The following MAF variants were observed in gnomAD, a reference collection of about 807,000 sequenced individuals.
MAF encodes the protein transcription factor Maf.
Under a neutral mutation model 22.0 loss-of-function variants are expected in MAF, and 10 were observed. The observed-to-expected ratio is 0.45, with a 90% confidence interval of 0.28 to 0.77. The LOEUF (loss-of-function observed/expected upper bound fraction) is 0.77. MAF is among the 30% of genes least tolerant of loss of function. The pLI, the probability that MAF is intolerant of heterozygous loss-of-function variation, is 0.12. For missense variants in MAF, 544 were observed against 548.4 expected (o/e 0.99, Z 0.08); for synonymous variants, 337 against 255.8 (o/e 1.32, Z -3.03).
chr16:79,419,252 G>C, the MAF span, among the ~76,000 whole-genome samples: 1 of 152,146 alleles, frequency 6.6e-6, no homozygotes, highest in Admixed American at 6.5e-5. Context: ...CATAGAGGGA[G>C]GATTTGAGGA....
the MAF span, among the ~76,000 whole-genome samples, chr16:79,364,727 T>C: frequency 5.9e-5 from 9 of 152,190 alleles, no homozygotes; most frequent in Non-Finnish European, 1.2e-4. Flanking sequence ...CTGACGTAAT[T>C]ACCTACAAGG....
chr16:79,212,465 C>G, the MAF span: 3 of 241,608 alleles, frequency 1.2e-5, no homozygotes, highest in Non-Finnish European at 2.4e-5. Flanking sequence ...TTTTTCAAAT[C>G]ATTCCTTAGA....
chr16:79,541,431 C>A, the MAF span, among the ~76,000 whole-genome samples: 1 of 152,016 alleles, frequency 6.6e-6, no homozygotes, highest in Non-Finnish European at 1.5e-5. Context: ...GCGTCAGTCC[C>A]TGGCAGGGAC....
chr16:79,342,547 C>T, the MAF span, among the ~76,000 whole-genome samples: 177 of 152,224 alleles, frequency 1.2e-3, no homozygotes, highest in South Asian at 2.3e-3. Context: ...CAATCATCAC[C>T]GTCACCATCT....
At chr16:79,410,892 G>C in the MAF span, among the ~76,000 whole-genome samples, 1 of 152,172 alleles carries the variant, frequency 6.6e-6, no homozygotes, top group Non-Finnish European at 1.5e-5. Context: ...TTGCATAGAG[G>C]TGGATACCTG....
the MAF span, among the ~76,000 whole-genome samples, chr16:79,432,120 G>A: frequency 6.6e-6 from 1 of 152,142 alleles, no homozygotes; most frequent in Non-Finnish European, 1.5e-5. Context: ...TGGATCACAG[G>A]GATGGTTTCC....
the MAF span, among the ~76,000 whole-genome samples, chr16:79,360,736 A>G: frequency 2.0e-5 from 3 of 152,088 alleles, no homozygotes; most frequent in Admixed American, 2.0e-4. Flanking sequence ...CATTTCAATC[A>G]TTTTCAGAGA....
chr16:79,313,709 A>T, the MAF span, among the ~76,000 whole-genome samples: 1 of 152,076 alleles, frequency 6.6e-6, no homozygotes, highest in African/African-American at 2.4e-5. Flanking sequence ...TGGAACCCTA[A>T]GCCCCAGTCT....
chr16:79,335,477 G>A, the MAF span, among the ~76,000 whole-genome samples: 1 of 152,102 alleles, frequency 6.6e-6, no homozygotes, highest in African/African-American at 2.4e-5. Flanking sequence ...AAGACCAGGG[G>A]GGACAGGAAG....
At chr16:79,205,813 CAG>C in the MAF span, 1 of 152,114 alleles carries the variant, frequency 6.6e-6, no homozygotes, top group Non-Finnish European at 1.5e-5. Context: ...GAGAGGGAGT[CAG>C]AGGGATGGAT....
At chr16:79,501,400 C>T in the MAF span, among the ~76,000 whole-genome samples, 3 of 152,260 alleles carry the variant, frequency 2.0e-5, no homozygotes, top group East Asian at 5.8e-4. Context: ...AGTTCACATT[C>T]TGGGGTTCTG....
At chr16:79,244,969 G>T in the MAF span, among the ~76,000 whole-genome samples, 5 of 151,982 alleles carry the variant, frequency 3.3e-5, no homozygotes, top group Non-Finnish European at 7.4e-5. Context: ...AATGGGGAAA[G>T]GTTTCCCTAT....
chr16:79,468,097 T>A, the MAF span, among the ~76,000 whole-genome samples: 2 of 152,158 alleles, frequency 1.3e-5, no homozygotes, highest in Non-Finnish European at 2.9e-5. Flanking sequence ...AGGTAATAAG[T>A]TGACAAAGAG....
At chr16:79,347,291 A>G in the MAF span, among the ~76,000 whole-genome samples, 1 of 152,194 alleles carries the variant, frequency 6.6e-6, no homozygotes, top group Non-Finnish European at 1.5e-5. Context: ...GCCTCCCTCT[A>G]TGCAGGGCTC....
At chr16:79,550,960 A>G in the MAF span, among the ~76,000 whole-genome samples, 15 of 152,280 alleles carry the variant, frequency 9.9e-5, no homozygotes, top group South Asian at 2.7e-3. Context: ...CATAGCCAGG[A>G]CCGTGGTTCC....
the MAF span, among the ~76,000 whole-genome samples, chr16:79,238,914 C>G: frequency 6.6e-6 from 1 of 151,942 alleles, no homozygotes; most frequent in Non-Finnish European, 1.5e-5. Context: ...CTTGTTTGCT[C>G]TGATCTCATG....
the MAF span, among the ~76,000 whole-genome samples, chr16:79,522,735 A>T: frequency 0.02 from 3,089 of 152,294 alleles, 119 homozygotes; most frequent in African/African-American, 0.071. Flanking sequence ...ATTGAGATCA[A>T]TCCAACGATG....
chr16:79,365,348 C>A, the MAF span, among the ~76,000 whole-genome samples: 2 of 152,154 alleles, frequency 1.3e-5, no homozygotes, highest in Admixed American at 1.3e-4. Flanking sequence ...TGTGTGTTTA[C>A]CAGACTGATG....
At chr16:79,347,364 G>A in the MAF span, among the ~76,000 whole-genome samples, 2 of 152,334 alleles carry the variant, frequency 1.3e-5, no homozygotes, top group South Asian at 4.1e-4. Context: ...ACAGCAGCAT[G>A]CGAGTAGCAG....
Sources: gnomAD v4.1 joint callset for allele counts (sites outside exome capture counted in the v4.1 genomes callset) on GRCh38, gnomAD v4.1.1 for gene constraint, MANE v1.5 for transcripts, NCBI Gene and HGNC (gene_info 2026-07-23, HGNC 2026-07-21) for gene names.